NLK: variants seen among roughly 807,000 people sequenced by gnomAD.
NLK encodes the protein serine/threonine-protein kinase NLK.
A neutral mutation model predicts 59.0 loss-of-function variants in NLK; 11 were observed. The ratio of observed to expected loss-of-function variants is 0.19; its 90% CI spans 0.12 to 0.31. The LOEUF (loss-of-function observed/expected upper bound fraction) is 0.31, where lower values mean the gene tolerates loss of function less well. Ranked by LOEUF, NLK falls within the 10% of genes least tolerant of loss-of-function variation. NLK has a pLI of 1.00. For missense variants in NLK, 410 were observed against 661.1 expected (o/e 0.62, Z 4.16); for synonymous variants, 235 against 235.9 (o/e 1.00, Z 0.03).
At chr17:28,161,876 CCAT>C (rs1908018884) in intron 4 of NLK, among the ~76,000 whole-genome samples, 2 of 152,088 alleles carry the variant, frequency 1.3e-5, no homozygotes, top group Admixed American at 1.3e-4. Context: ...GAGAATTTTG[CCAT>C]TACAAGTAGA....
chr17:28,117,229 T>A (rs909519093), intron 1 of NLK, among the ~76,000 whole-genome samples: 12 of 152,216 alleles, frequency 7.9e-5, no homozygotes, highest in African/African-American at 2.9e-4. Context: ...ACTAATTAAT[T>A]CATGATCTAA....
chr17:28,103,394 T>A (rs1005523246), intron 1 of NLK, among the ~76,000 whole-genome samples: 3 of 152,232 alleles, frequency 2.0e-5, no homozygotes, highest in African/African-American at 7.2e-5. Context: ...TTTTGCAGTG[T>A]GAAAGTTTTT....
chr17:28,051,946 G>A (rs1427617851), intron 1 of NLK, among the ~76,000 whole-genome samples: 1 of 152,120 alleles, frequency 6.6e-6, no homozygotes, highest in African/African-American at 2.4e-5. Context: ...TGAGATAAAT[G>A]TCACCCTGTT....
chr17:28,184,473 C>G (rs1909036695), intron 7 of NLK, among the ~76,000 whole-genome samples: 1 of 152,132 alleles, frequency 6.6e-6, no homozygotes. Context: ...GCTTCTGTAC[C>G]TCATTGGGGG....
intron 3 of NLK, among the ~76,000 whole-genome samples, chr17:28,157,317 A>G (rs534092364): frequency 1.4e-4 from 22 of 152,074 alleles, no homozygotes; most frequent in Non-Finnish European, 2.6e-4. Context: ...TCAGCCTCCA[A>G]GTAACTGGGA....
At chr17:28,131,586 T>TAAAAAAAAAAAAAAAAAAAAA (rs35804817) in intron 2 of NLK, among the ~76,000 whole-genome samples, 1 of 83,730 alleles carries the variant, frequency 1.2e-5, no homozygotes, top group African/African-American at 4.7e-5. Flanking sequence ...TTCTCTGTAG[T>TAAAAAAAAAAAAAAAAAAAAA]AAAAAAAAAA....
At chr17:28,173,818 T>C (rs1908566077) in intron 7 of NLK, among the ~76,000 whole-genome samples, 1 of 152,206 alleles carries the variant, frequency 6.6e-6, no homozygotes. Context: ...TCTTGGTAAA[T>C]GTGTCCTTAG....
chr17:28,199,300 C>G (rs943755052), downstream of NLK, among the ~76,000 whole-genome samples: 5 of 152,140 alleles, frequency 3.3e-5, no homozygotes, highest in East Asian at 1.9e-4. Context: ...TATGCCAGTT[C>G]CTCAAAAAAA....
At chr17:28,129,277 A>T (rs569540246) in intron 2 of NLK, among the ~76,000 whole-genome samples, 1 of 152,162 alleles carries the variant, frequency 6.6e-6, no homozygotes, top group East Asian at 1.9e-4. Flanking sequence ...ACATGGTGAA[A>T]CCCCGTCTCT....
intron 2 of NLK, among the ~76,000 whole-genome samples, chr17:28,124,266 G>A (rs1442169032): frequency 6.6e-6 from 1 of 152,184 alleles, no homozygotes; most frequent in Non-Finnish European, 1.5e-5. Context: ...GGCTGCATCT[G>A]TAATCCTAGC....
chr17:28,059,236 A>T (rs531758050), intron 1 of NLK, among the ~76,000 whole-genome samples: 1 of 151,800 alleles, frequency 6.6e-6, no homozygotes, highest in African/African-American at 2.4e-5. Flanking sequence ...GTTATTATTT[A>T]TTATTATTAT....
At chr17:28,199,435 G>A (rs1909563291), downstream of NLK, among the ~76,000 whole-genome samples, 1 of 152,020 alleles carries the variant, frequency 6.6e-6, no homozygotes, top group Non-Finnish European at 1.5e-5. Flanking sequence ...GGAGGCCAAG[G>A]CATGCGGATC....
At chr17:28,189,819 T>C (rs986011004) in intron 8 of NLK, among the ~76,000 whole-genome samples, 2 of 151,940 alleles carry the variant, frequency 1.3e-5, no homozygotes, top group Non-Finnish European at 2.9e-5. Flanking sequence ...GATCACCAAA[T>C]ACAAAACATA....
chr17:28,077,671 C>T (rs1022868660), intron 1 of NLK, among the ~76,000 whole-genome samples: 1 of 152,132 alleles, frequency 6.6e-6, no homozygotes, highest in Non-Finnish European at 1.5e-5. Context: ...GCATCTTGAT[C>T]AGTTTGATGC....
intron 3 of NLK, among the ~76,000 whole-genome samples, chr17:28,155,732 A>G (rs919006213): frequency 9.2e-5 from 14 of 152,082 alleles, no homozygotes; most frequent in African/African-American, 3.4e-4. Flanking sequence ...TTGAACAATG[A>G]GAACACTTGA....
chr17:28,159,776 G>A (rs2142046427), intron 3 of NLK, among the ~76,000 whole-genome samples: 1 of 152,102 alleles, frequency 6.6e-6, no homozygotes, highest in Non-Finnish European at 1.5e-5. Context: ...AAATATAACA[G>A]TAAAAAAAAT....
intron 1 of NLK, among the ~76,000 whole-genome samples, chr17:28,067,336 C>A (rs1241632032): frequency 6.6e-6 from 1 of 151,924 alleles, no homozygotes; most frequent in Non-Finnish European, 1.5e-5. Context: ...AACATCTATT[C>A]ATTTATTGAA....
chr17:28,112,133 G>C (rs1905551486), intron 1 of NLK, among the ~76,000 whole-genome samples: 1 of 151,980 alleles, frequency 6.6e-6, no homozygotes, highest in African/African-American at 2.4e-5. Context: ...GGGGAGTTTA[G>C]CCCCCTCTGT....
At chr17:28,083,262 A>G (rs1910406698) in intron 1 of NLK, among the ~76,000 whole-genome samples, 1 of 152,192 alleles carries the variant, frequency 6.6e-6, no homozygotes. Context: ...AGCACCTTGT[A>G]GGTGATTGAT....
Sources: allele counts gnomAD v4.1 joint callset (sites outside exome capture counted in the v4.1 genomes callset), GRCh38; gene constraint gnomAD v4.1.1; transcripts MANE v1.5; gene names NCBI Gene and HGNC (gene_info 2026-07-23, HGNC 2026-07-21).